BLOC1S5: variants seen among roughly 807,000 people sequenced by gnomAD.
BLOC1S5 encodes the protein biogenesis of lysosome-related organelles complex 1 subunit 5.
In BLOC1S5, 27 loss-of-function variants were observed where a neutral mutation model predicts 24.3. That is an observed-to-expected ratio of 1.11 (90% CI 0.82 to 1.53). The LOEUF is 1.53. BLOC1S5 is among the 40% of genes most tolerant of loss of function. The pLI is 0.00. For missense variants in BLOC1S5, 239 were observed against 229.4 expected (o/e 1.04, Z -0.27); for synonymous variants, 84 against 74.5 (o/e 1.13, Z -0.66).
At chr6:8,018,616 C>T (rs1299176056) in intron 4 of BLOC1S5, among the ~76,000 whole-genome samples, 1 of 152,138 alleles carries the variant, frequency 6.6e-6, no homozygotes, top group Non-Finnish European at 1.5e-5. Flanking sequence ...TTGCATGATG[C>T]TGAGCAACTT....
At chr6:8,063,743 T>C (rs1446047419) in intron 1 of BLOC1S5, among the ~76,000 whole-genome samples, 4 of 152,150 alleles carry the variant, frequency 2.6e-5, no homozygotes, top group Non-Finnish European at 5.9e-5. Flanking sequence ...GTTGTAACCT[T>C]CTCCCAGCTC....
At chr6:8,056,378 T>C (rs999559652) in intron 2 of BLOC1S5, among the ~76,000 whole-genome samples, 2 of 152,196 alleles carry the variant, frequency 1.3e-5, no homozygotes, top group Non-Finnish European at 2.9e-5. Flanking sequence ...GACTTGGCCA[T>C]TGGTATCATG....
At position 8,041,246 on chromosome 6, in the gene BLOC1S5, AT is replaced by A; in HGVS notation, c.217del (p.Met73CysfsTer7). On this transcript the variant is annotated frameshift_variant, in exon 3 of 5. Coordinates refer to ENST00000397457, the MANE Select transcript of BLOC1S5 (RefSeq NM_201280.3). LOFTEE classifies it high-confidence loss of function. ...EFEEKRGLREMRVLENLKNMI... is the reference protein window; with the variant it reads ...EFEEKRGLREXRVLENLKNMI... ...GTTCTTCAAATTTTCAAGAACTCGCATTTCTCGAAGACCACGTTTTTCCTAT... is the reference window on the plus strand; with the variant it reads ...GTTCTTCAAATTTTCAAGAACTCGCATTCTCGAAGACCACGTTTTTCCTAT... 1 of 1,609,726 alleles carries A rather than the reference AT, an allele frequency of 6.2e-7. No homozygotes were observed. Among genetic ancestry groups the A allele is most frequent in the Non-Finnish European group, 8.5e-7 (1 of 1,178,654 alleles).
chr6:8,060,327 G>A (rs913087142), intron 2 of BLOC1S5, among the ~76,000 whole-genome samples: 6 of 152,192 alleles, frequency 3.9e-5, no homozygotes, highest in African/African-American at 1.4e-4. Context: ...GGAGGGAAGA[G>A]TTGTGTACAA....
At chr6:8,026,235 T>G in intron 4 of BLOC1S5, 132 bp downstream of exon 4, 1 of 669,762 alleles carries the variant, frequency 1.5e-6, no homozygotes, top group South Asian at 1.9e-5. Flanking sequence ...CAACACATCT[T>G]CAATGAATCA....
intron 2 of BLOC1S5, among the ~76,000 whole-genome samples, chr6:8,061,383 G>A (rs947739305): frequency 2.0e-5 from 3 of 152,170 alleles, no homozygotes; most frequent in Non-Finnish European, 4.4e-5. Context: ...ACGTTAAGAT[G>A]TTAACTAAAC....
intron 2 of BLOC1S5, among the ~76,000 whole-genome samples, chr6:8,043,188 C>T (rs1009224772): frequency 6.6e-6 from 1 of 152,128 alleles, no homozygotes; most frequent in African/African-American, 2.4e-5. Flanking sequence ...AGCAAAACCA[C>T]CCTCCCTGCC....
At chr6:8,032,202 C>T (rs1280674106) in intron 3 of BLOC1S5, among the ~76,000 whole-genome samples, 2 of 152,102 alleles carry the variant, frequency 1.3e-5, no homozygotes, top group African/African-American at 4.8e-5. Flanking sequence ...AGAAAATCTT[C>T]GCAAACTATG....
intron 3 of BLOC1S5, 122 bp downstream of exon 3, chr6:8,041,017 A>T: frequency 1.7e-6 from 2 of 1,151,738 alleles, no homozygotes; most frequent in Non-Finnish European, 2.4e-6. Flanking sequence ...CTAGAAAACC[A>T]CTTTCTCTGT....
At chr6:8,026,306 CTAA>C (rs1485313837) in intron 4 of BLOC1S5, 58 bp downstream of exon 4, 2 of 1,353,284 alleles carry the variant, frequency 1.5e-6, no homozygotes, top group Admixed American at 1.8e-5. Flanking sequence ...AAAGCAATTG[CTAA>C]TAATATGATA....
Position 8,062,624 on chromosome 6 carries a change from G to A in BLOC1S5, c.113-8C>T, listed in dbSNP as rs1035278547. The A allele has an allele frequency of 4.5e-6, 7 of 1,571,614 alleles. No individual in the cohort carries two copies. The highest frequency in any genetic ancestry group is 6.1e-6 in the Non-Finnish European group (7 of 1,148,072). Reference sequence around the variant, plus strand: ...AATGAATTTCTCCAAGATCTATAAAGATAAAATGAAATTCAGGGTTAATCC... The same window carrying A: ...AATGAATTTCTCCAAGATCTATAAAAATAAAATGAAATTCAGGGTTAATCC... On this transcript the variant is annotated splice_polypyrimidine_tract_variant and splice_region_variant and intron_variant, in intron 1 of 4. Transcript: ENST00000397457.
chr6:8,024,527 A>G (rs937001260), intron 4 of BLOC1S5, among the ~76,000 whole-genome samples: 2 of 151,136 alleles, frequency 1.3e-5, no homozygotes, highest in Non-Finnish European at 2.9e-5. Flanking sequence ...AAAAAAAAAA[A>G]AAAAAAAAGA....
chr6:8,018,584 A>G (rs779383476), intron 4 of BLOC1S5, among the ~76,000 whole-genome samples: 5 of 152,198 alleles, frequency 3.3e-5, no homozygotes, highest in Non-Finnish European at 7.3e-5. Context: ...CTCGCTTCAA[A>G]TTCTGGTCTA....
intron 3 of BLOC1S5, among the ~76,000 whole-genome samples, chr6:8,029,733 TC>T (rs1397704999): frequency 1.3e-5 from 2 of 152,096 alleles, no homozygotes; most frequent in East Asian, 3.9e-4. Context: ...TTTGCGGACC[TC>T]CCCCATTCAA....
chr6:8,042,871 C>G (rs1224909127), intron 2 of BLOC1S5, among the ~76,000 whole-genome samples: 1 of 152,190 alleles, frequency 6.6e-6, no homozygotes, highest in African/African-American at 2.4e-5. Context: ...CCCCTGGACT[C>G]CTAGGCTCAG....
At chr6:8,021,856 G>A (rs1268659304) in intron 4 of BLOC1S5, among the ~76,000 whole-genome samples, 2 of 152,056 alleles carry the variant, frequency 1.3e-5, no homozygotes, top group Non-Finnish European at 2.9e-5. Context: ...AGAAAATGAA[G>A]AGAATTTATT....
At chr6:8,021,551 A>G (rs1762916154) in intron 4 of BLOC1S5, among the ~76,000 whole-genome samples, 1 of 152,172 alleles carries the variant, frequency 6.6e-6, no homozygotes, top group Admixed American at 6.5e-5. Flanking sequence ...GTGAGCCGAG[A>G]TCGCACCACT....
chr6:8,039,291 T>TAGTG (rs1198424955), intron 3 of BLOC1S5, among the ~76,000 whole-genome samples: 2 of 152,044 alleles, frequency 1.3e-5, no homozygotes, highest in South Asian at 2.1e-4. Flanking sequence ...CCAGGAAGTA[T>TAGTG]AGTGAGGAGG....
At chr6:8,051,675 A>G (rs905723680) in intron 2 of BLOC1S5, among the ~76,000 whole-genome samples, 2 of 152,252 alleles carry the variant, frequency 1.3e-5, no homozygotes, top group Non-Finnish European at 2.9e-5. Context: ...GGGTTAATGC[A>G]GCTGGTGACT....
Sources: gnomAD v4.1 joint callset for allele counts (sites outside exome capture counted in the v4.1 genomes callset) on GRCh38, gnomAD v4.1.1 for gene constraint, MANE v1.5 for transcripts, NCBI Gene and HGNC (gene_info 2026-07-23, HGNC 2026-07-21) for gene names.